Variants in CARD8 observed in about 807,000 individuals in gnomAD.
CARD8 encodes the protein caspase recruitment domain-containing protein 8.
CARD8 carries 38 observed loss-of-function variants against 53.2 expected under a neutral mutation model. That is an observed-to-expected ratio of 0.71 (90% CI 0.55 to 0.94). The LOEUF (loss-of-function observed/expected upper bound fraction) is 0.94. Ranked by LOEUF, CARD8 falls within the 40% of genes least tolerant of loss-of-function variation. The pLI is 0.00. For missense variants in CARD8, 561 were observed against 655.5 expected (o/e 0.86, Z 1.57); for synonymous variants, 245 against 244.9 (o/e 1.00, Z 0.00).
chr19:48,238,239 TTAAGA>T, intron 5 of CARD8, 139 bp downstream of exon 5: 3 of 1,365,146 alleles, frequency 2.2e-6, no homozygotes, highest in Non-Finnish European at 2.9e-6. Context: ...AAATAAAAAC[TTAAGA>T]TAACAAAGAA....
intron 13 of CARD8, among the ~76,000 whole-genome samples, chr19:48,214,597 G>C (rs563074747): frequency 4.0e-5 from 6 of 151,894 alleles, no homozygotes; most frequent in Admixed American, 3.9e-4. Flanking sequence ...CTATGCAGGC[G>C]ACCAGCCCAC....
At chr19:48,231,542 A>G (rs1298141556) in intron 8 of CARD8, 118 bp downstream of exon 8, 2 of 995,808 alleles carry the variant, frequency 2.0e-6, no homozygotes, top group Admixed American at 2.4e-5. Flanking sequence ...TGACCTTGTG[A>G]TCCGCCCTCC....
chr19:48,207,078 G>A (rs984619395), downstream of CARD8, among the ~76,000 whole-genome samples: 12 of 146,500 alleles, frequency 8.2e-5, no homozygotes, highest in Middle Eastern at 3.6e-3. Flanking sequence ...TGAGGCAGGA[G>A]AATCACTTGA....
At chr19:48,253,727 GAAT>G (rs2047223756) in intron 1 of CARD8, among the ~76,000 whole-genome samples, 1 of 152,114 alleles carries the variant, frequency 6.6e-6, no homozygotes, top group Non-Finnish European at 1.5e-5. Flanking sequence ...ACTTCAATAA[GAAT>G]AACAATTTTA....
downstream of CARD8, chr19:48,206,621 G>A (rs1036189223): frequency 3.1e-5 from 13 of 420,058 alleles, no homozygotes; most frequent in Non-Finnish European, 4.3e-5. Context: ...AGGGCACCTA[G>A]GGGTGTTACC....
At chr19:48,232,617 A>G (rs1391805381) in intron 6 of CARD8, 124 bp from the exon 7 acceptor site, 2 of 812,748 alleles carry the variant, frequency 2.5e-6, no homozygotes, top group Non-Finnish European at 4.1e-6. Context: ...CTACCCGGAT[A>G]TGCTATTTAA....
chr19:48,232,336 T>A (rs1409038395), intron 7 of CARD8, 117 bp downstream of exon 7: 12 of 936,320 alleles, frequency 1.3e-5, no homozygotes, highest in Non-Finnish European at 1.5e-5. Flanking sequence ...GTGGCAAAGG[T>A]AAGGGAAAGC....
At chr19:48,230,415 G>C in intron 10 of CARD8, 23 bp downstream of exon 10, 1 of 1,575,862 alleles carries the variant, frequency 6.3e-7, no homozygotes, top group South Asian at 1.2e-5. Flanking sequence ...ATCTTCTCTG[G>C]TCTCCTAAAT....
chr19:48,223,008 T>G (rs1015782645), intron 10 of CARD8, among the ~76,000 whole-genome samples: 2 of 152,018 alleles, frequency 1.3e-5, no homozygotes, highest in African/African-American at 4.8e-5. Flanking sequence ...TGTACATATT[T>G]CATTAAAAGT....
At chr19:48,216,871 C>G (rs1458830417) in intron 12 of CARD8, among the ~76,000 whole-genome samples, 1 of 152,104 alleles carries the variant, frequency 6.6e-6, no homozygotes, top group Non-Finnish European at 1.5e-5. Flanking sequence ...CACCTAAGTT[C>G]TATTATTACA....
At chr19:48,246,543 G>A (rs1293689622) in intron 3 of CARD8, among the ~76,000 whole-genome samples, 2 of 151,974 alleles carry the variant, frequency 1.3e-5, no homozygotes, top group African/African-American at 4.8e-5. Context: ...CTTCTCGATA[G>A]ATAGACTGAC....
At chr19:48,241,962 A>T (rs1380959317) in intron 3 of CARD8, among the ~76,000 whole-genome samples, 1 of 152,230 alleles carries the variant, frequency 6.6e-6, no homozygotes, top group Admixed American at 6.5e-5. Flanking sequence ...CACCTCAAAA[A>T]GAAACTCATT....
chr19:48,227,099 A>G (rs900207708), intron 10 of CARD8, among the ~76,000 whole-genome samples: 22 of 151,956 alleles, frequency 1.4e-4, no homozygotes, highest in Non-Finnish European at 2.2e-4. Context: ...AAAAAAAAAA[A>G]AAAGAAAGAA....
rs2044918325 is a variant in CARD8 at position 48,240,983 on chromosome 19, C to T, written c.38G>A (p.Ser13Asn). 6.5e-7 allele frequency: 1 copy of T among 1,536,044 alleles called. No individual in the cohort carries two copies. The highest frequency in any genetic ancestry group is 2.4e-5 in the East Asian group (1 of 41,066). The change falls in exon 4 of 14, where the codon AGT (serine) becomes AAT (asparagine). Residue 13 changes from serine (S) to asparagine (N), a missense_variant. Physicochemically the swap from Ser to Asn is conservative, Grantham distance 46. Coordinates refer to ENST00000651546, the MANE Select transcript of CARD8 (RefSeq NM_001184900.3). The stretch of plus-strand genomic sequence containing the variant: ...TCACCGTCTCGGCAGCTCTTCCTCA[C>T]TGCTGCTACTCTTTTCTGGACACTC... The part of the protein sequence containing the change: ...KKECPEKSSS[S>N]EEELPRRDSG...
intron 10 of CARD8, among the ~76,000 whole-genome samples, chr19:48,230,121 G>C (rs1007075784): frequency 1.3e-5 from 2 of 151,814 alleles, no homozygotes; most frequent in African/African-American, 4.8e-5. Flanking sequence ...TCTAAAAAAA[G>C]AAAAAAACAA....
In CARD8 at chr19:48,221,863, A is replaced by C; in HGVS notation, c.1036-8T>G. 1 of 1,581,774 alleles carries C rather than the reference A, an allele frequency of 6.3e-7. No homozygotes were observed. Among genetic ancestry groups the C allele is most frequent in the Non-Finnish European group, 8.6e-7 (1 of 1,160,368 alleles). On this transcript the variant is annotated splice_polypyrimidine_tract_variant and splice_region_variant and intron_variant, in intron 10 of 13. Transcript: ENST00000651546. ...TTCCTCATCATCTATCGCCTAAGGA[A>C]GAAGGGGCAGAAACATTAGAGAGCA...
chr19:48,223,102 G>A lies in CARD8; in HGVS notation c.1036-1247C>T, dbSNP rs183242618. On this transcript the variant is annotated intron_variant, in intron 10 of 13. Transcript: ENST00000651546. Reference sequence around the variant, plus strand: ...GCAGATCACCTGAGGTCAGGAGTTCGAGACCAGACTGGACAACATGGTGAA... The same window carrying A: ...GCAGATCACCTGAGGTCAGGAGTTCAAGACCAGACTGGACAACATGGTGAA... 9.9e-5 allele frequency among the ~76,000 whole-genome samples: 15 copies of A among 152,198 alleles called. No homozygotes were observed. In the East Asian group the frequency reaches 2.5e-3, roughly 25 times the overall value.
At chr19:48,220,897 C>T (rs182169326) in intron 11 of CARD8, among the ~76,000 whole-genome samples, 10 of 141,732 alleles carry the variant, frequency 7.1e-5, no homozygotes, top group South Asian at 2.3e-4. Flanking sequence ...GGCAACAGAG[C>T]GAGACTCCAT....
intron 10 of CARD8, among the ~76,000 whole-genome samples, chr19:48,227,801 AC>A (rs1162423825): frequency 0.02 from 1,546 of 76,766 alleles, 23 homozygotes; most frequent in African/African-American, 0.07. Context: ...AGACTCCATC[AC>A]AAAAAAAAAA....
Sources: allele counts gnomAD v4.1 joint callset (sites outside exome capture counted in the v4.1 genomes callset), GRCh38; gene constraint gnomAD v4.1.1; transcripts MANE v1.5; gene names NCBI Gene and HGNC (gene_info 2026-07-23, HGNC 2026-07-21).